The following SRGAP2B variants were observed in gnomAD, a reference collection of about 807,000 sequenced individuals.
SRGAP2B encodes SLIT-ROBO Rho GTPase activating protein 2B, also known as SLIT-ROBO Rho GTPase-activating protein 2B.
In SRGAP2B, 9 loss-of-function variants were observed where a neutral mutation model predicts 22.2. The ratio of observed to expected loss-of-function variants is 0.41; its 90% CI spans 0.24 to 0.71. The LOEUF is 0.71. Ranked by LOEUF, SRGAP2B falls within the 30% of genes least tolerant of loss-of-function variation. SRGAP2B has a pLI of 0.35. For missense variants in SRGAP2B, 114 were observed against 235.8 expected (o/e 0.48, Z 3.38); for synonymous variants, 36 against 87.4 (o/e 0.41, Z 3.28).
intron 2 of SRGAP2B, among the ~76,000 whole-genome samples, chr1:145,035,921 G>A (rs1234421988): frequency 2.1e-5 from 3 of 140,582 alleles, no homozygotes; most frequent in Admixed American, 7.0e-5. Flanking sequence ...ACAATTTGAC[G>A]TCATGTTTTC....
intron 3 of SRGAP2B, among the ~76,000 whole-genome samples, chr1:144,994,389 T>C (rs1376187487): frequency 1.5e-5 from 2 of 137,156 alleles, no homozygotes; most frequent in Non-Finnish European, 3.1e-5. Flanking sequence ...AAACTAAATG[T>C]AGAAGAAATA....
chr1:145,032,577 G>GA (rs1206185357), intron 2 of SRGAP2B, among the ~76,000 whole-genome samples: 8 of 77,120 alleles, frequency 1.0e-4, no homozygotes, highest in South Asian at 4.8e-4. Flanking sequence ...CCATCTCAAA[G>GA]AAAAAAAAAA....
In SRGAP2B at chr1:145,000,090, C is replaced by T. The variant is rs587595652; in HGVS notation, c.68-4890G>A. Among the ~76,000 whole-genome samples the T allele has an allele frequency of 1.8e-3, 260 of 141,210 alleles. 3 individuals carry two copies. Among genetic ancestry groups the T allele is most frequent in the Admixed American group, 6.8e-3 (96 of 14,164 alleles). 92.6% of individuals were successfully genotyped at this position (141,210 alleles called of 152,430 possible). A position where few individuals can be genotyped will look rare whatever the true frequency, so the allele number is the denominator to read the frequency against. On this transcript the variant is annotated intron_variant, in intron 2 of 9. Coordinates refer to ENST00000612199, the Ensembl canonical transcript of SRGAP2B. The stretch of plus-strand genomic sequence containing the variant: ...GGAACGGATTCTTGGTTTCCATTTC[C>T]CCGTGTGTATGAATTAAACACATTC...
At chr1:144,974,152 A>C (rs1240043106) in intron 3 of SRGAP2B, among the ~76,000 whole-genome samples, 4 of 149,446 alleles carry the variant, frequency 2.7e-5, no homozygotes, top group Admixed American at 6.7e-5. Flanking sequence ...GTACATAGAA[A>C]GAGTAAAAAT....
chr1:144,967,522 C>T (rs1668177928), intron 3 of SRGAP2B, among the ~76,000 whole-genome samples: 1 of 148,086 alleles, frequency 6.8e-6, no homozygotes, highest in South Asian at 2.1e-4. Context: ...AGCACTAAAT[C>T]CCCACAAGAG....
At position 144,988,997 on chromosome 1, in the gene SRGAP2B, C is replaced by A. The variant is rs2319647; in HGVS notation, c.260+6011G>T. Among the ~76,000 whole-genome samples the A allele has an allele frequency of 8.9e-3, 1,033 of 115,554 alleles. 3 individuals are homozygous for A. Among genetic ancestry groups the A allele is most frequent in the Non-Finnish European group, 0.013 (759 of 59,010 alleles). 75.8% of individuals were successfully genotyped at this position (115,554 alleles called of 152,430 possible). ...ATTCCTACTTCCTTTCCACTCCCCC[C>A]ACTTTTTTTTTTTTTTTTTTTTTTT... On this transcript the variant is annotated intron_variant, in intron 3 of 9. Coordinates refer to ENST00000612199, the Ensembl canonical transcript of SRGAP2B.
chr1:144,918,258 C>A (rs1664012520), intron 4 of SRGAP2B: 1 of 145,876 alleles, frequency 6.9e-6, no homozygotes, highest in African/African-American at 2.8e-5. Flanking sequence ...TAAATGTTTG[C>A]ATAGTAATCT....
chr1:144,974,850 TACAGCTGA>T (rs1249217600), intron 3 of SRGAP2B, among the ~76,000 whole-genome samples: 2 of 146,208 alleles, frequency 1.4e-5, no homozygotes, highest in Non-Finnish European at 2.9e-5. Context: ...AATCATGGCC[TACAGCTGA>T]GCAGATGCTG....
At chr1:145,063,104 C>A (rs1399121757) in intron 2 of SRGAP2B, among the ~76,000 whole-genome samples, 11 of 145,134 alleles carry the variant, frequency 7.6e-5, no homozygotes, top group African/African-American at 2.9e-4. Context: ...AGGCAGATCC[C>A]AAAACTGATG....
intron 3 of SRGAP2B, among the ~76,000 whole-genome samples, chr1:144,973,047 G>A (rs587733742): frequency 7.0e-6 from 1 of 142,622 alleles, no homozygotes; most frequent in Admixed American, 7.0e-5. Flanking sequence ...GGCAGAGGTT[G>A]CAGTGAGCCA....
At chr1:144,928,926 G>C (rs1160715493) in intron 4 of SRGAP2B, among the ~76,000 whole-genome samples, 1 of 149,858 alleles carries the variant, frequency 6.7e-6, no homozygotes, top group Non-Finnish European at 1.5e-5. Context: ...CACCAGCAAT[G>C]TATGAGGGTT....
At chr1:145,006,595 G>A (rs1671611948) in intron 2 of SRGAP2B, among the ~76,000 whole-genome samples, 1 of 150,294 alleles carries the variant, frequency 6.7e-6, no homozygotes, top group Non-Finnish European at 1.5e-5. Flanking sequence ...AATCTGCCCA[G>A]CAGATCCTTC....
At chr1:144,970,831 G>A (rs1668456950) in intron 3 of SRGAP2B, among the ~76,000 whole-genome samples, 1 of 149,904 alleles carries the variant, frequency 6.7e-6, no homozygotes, top group Non-Finnish European at 1.5e-5. Context: ...GATAAGCAGG[G>A]ACAGCAGACC....
chr1:144,968,666 T>C (rs1471040153), intron 3 of SRGAP2B, among the ~76,000 whole-genome samples: 2 of 115,834 alleles, frequency 1.7e-5, no homozygotes, highest in Non-Finnish European at 3.4e-5. Flanking sequence ...GAGAAGGAAA[T>C]AAAGGGTATT....
intron 3 of SRGAP2B, among the ~76,000 whole-genome samples, chr1:144,983,985 A>C (rs1173651860): frequency 4.0e-5 from 6 of 150,610 alleles, no homozygotes; most frequent in Admixed American, 1.3e-4. Context: ...CTCATATTTT[A>C]CTCCTTCAAA....
chr1:145,044,361 C>T (rs1228572338), intron 2 of SRGAP2B, among the ~76,000 whole-genome samples: 1 of 122,866 alleles, frequency 8.1e-6, no homozygotes, highest in Non-Finnish European at 1.7e-5. Flanking sequence ...GGCTCAAATG[C>T]AAACAATAAT....
chr1:144,913,968 G>A (rs1225181007), intron 5 of SRGAP2B, among the ~76,000 whole-genome samples: 2 of 150,364 alleles, frequency 1.3e-5, no homozygotes, highest in Non-Finnish European at 2.9e-5. Flanking sequence ...GTATGTGTGT[G>A]AGTGTGTGTT....
At chr1:144,934,301 G>A (rs1665453672) in intron 4 of SRGAP2B, among the ~76,000 whole-genome samples, 1 of 148,448 alleles carries the variant, frequency 6.7e-6, no homozygotes, top group African/African-American at 2.6e-5. Context: ...CTACTCGGGA[G>A]GCTGAGGCAA....
chr1:145,044,196 C>A (rs1317131181), intron 2 of SRGAP2B, among the ~76,000 whole-genome samples: 2 of 130,944 alleles, frequency 1.5e-5, no homozygotes, highest in Admixed American at 1.5e-4. Context: ...GGATATAGAT[C>A]CTGGAACACC....
Sources: allele counts gnomAD v4.1 joint callset (sites outside exome capture counted in the v4.1 genomes callset), GRCh38; gene constraint gnomAD v4.1.1; transcripts MANE v1.5; gene names NCBI Gene and HGNC (gene_info 2026-07-23, HGNC 2026-07-21).